Variants in ENTREP2 observed in about 807,000 individuals in gnomAD.
The protein encoded by ENTREP2 is protein ENTREP2.
chr15:29,626,127 ATG>A, the ENTREP2 span, among the ~76,000 whole-genome samples: 1 of 152,144 alleles, frequency 6.6e-6, no homozygotes. Flanking sequence ...TGGTTTCTTC[ATG>A]TTGTTGCTAG....
the ENTREP2 span, among the ~76,000 whole-genome samples, chr15:29,307,522 A>G: frequency 6.6e-6 from 1 of 152,248 alleles, no homozygotes; most frequent in African/African-American, 2.4e-5. Context: ...AGGAGAAATT[A>G]GATTTAGAGA....
the ENTREP2 span, chr15:29,265,484 C>T: frequency 6.6e-6 from 1 of 152,110 alleles, no homozygotes; most frequent in Non-Finnish European, 1.5e-5. Context: ...ACTAAAAGTA[C>T]AAAAATTAGC....
At chr15:29,259,731 C>CT in the ENTREP2 span, among the ~76,000 whole-genome samples, 1 of 151,938 alleles carries the variant, frequency 6.6e-6, no homozygotes, top group Non-Finnish European at 1.5e-5. Context: ...AATCCCAGCA[C>CT]TTCAGGAGGC....
the ENTREP2 span, among the ~76,000 whole-genome samples, chr15:29,556,496 T>G: frequency 6.6e-6 from 1 of 152,174 alleles, no homozygotes; most frequent in Admixed American, 6.5e-5. Context: ...ACAGAGAACA[T>G]TTTTAAATGT....
chr15:29,524,728 TGTCA>T, the ENTREP2 span, among the ~76,000 whole-genome samples: 3 of 152,020 alleles, frequency 2.0e-5, no homozygotes, highest in African/African-American at 7.3e-5. Context: ...TCTAGAGGGG[TGTCA>T]GTCAGTGGCA....
the ENTREP2 span, among the ~76,000 whole-genome samples, chr15:29,621,403 G>A: frequency 6.6e-6 from 1 of 150,790 alleles, no homozygotes; most frequent in Non-Finnish European, 1.5e-5. Flanking sequence ...GGCGCCTGTA[G>A]TCCCAGCTAC....
chr15:29,176,261 G>A, the ENTREP2 span, among the ~76,000 whole-genome samples: 3 of 152,268 alleles, frequency 2.0e-5, no homozygotes, highest in South Asian at 2.1e-4. Flanking sequence ...CCTGAGAGCC[G>A]TGGCACATAG....
chr15:29,268,755 A>T, the ENTREP2 span: 6 of 1,562,806 alleles, frequency 3.8e-6, no homozygotes, highest in Non-Finnish European at 4.3e-6. Context: ...TTTGGGTCTC[A>T]GACCCTTGTC....
At chr15:29,181,742 T>C in the ENTREP2 span, among the ~76,000 whole-genome samples, 1 of 152,174 alleles carries the variant, frequency 6.6e-6, no homozygotes, top group Non-Finnish European at 1.5e-5. Context: ...CATGCATATA[T>C]ACTTATCTCA....
At chr15:29,640,430 G>A in the ENTREP2 span, among the ~76,000 whole-genome samples, 4 of 152,160 alleles carry the variant, frequency 2.6e-5, no homozygotes, top group African/African-American at 9.7e-5. Flanking sequence ...GGCTGAGGTG[G>A]GTGGATGGTC....
chr15:29,126,168 T>C, the ENTREP2 span: 8 of 989,254 alleles, frequency 8.1e-6, no homozygotes, highest in South Asian at 1.5e-4. Flanking sequence ...AGACAGGATC[T>C]GCAGGGCCGG....
chr15:29,170,581 T>C, the ENTREP2 span, among the ~76,000 whole-genome samples: 1 of 141,692 alleles, frequency 7.1e-6, no homozygotes, highest in Non-Finnish European at 1.5e-5. Context: ...ACAACAAGAC[T>C]GTGTGTGTGT....
chr15:29,645,034 C>A, the ENTREP2 span, among the ~76,000 whole-genome samples: 2 of 152,080 alleles, frequency 1.3e-5, no homozygotes, highest in African/African-American at 4.8e-5. Flanking sequence ...CTGGGAAACA[C>A]GGCAAGGTGC....
At chr15:29,371,921 T>C in the ENTREP2 span, among the ~76,000 whole-genome samples, 480 of 101,652 alleles carry the variant, frequency 4.7e-3, 3 homozygotes, top group African/African-American at 0.018. Context: ...AATAGATAGA[T>C]AGATAGATAG....
the ENTREP2 span, among the ~76,000 whole-genome samples, chr15:29,478,017 ATATTTTTT>A: frequency 1.8e-5 from 1 of 56,964 alleles, no homozygotes; most frequent in African/African-American, 1.0e-4. Context: ...ATATATATAT[ATATTTTTT>A]TTTTTTTTTT....
chr15:29,360,437 A>G, the ENTREP2 span, among the ~76,000 whole-genome samples: 6 of 152,198 alleles, frequency 3.9e-5, no homozygotes, highest in African/African-American at 1.4e-4. Context: ...ACATCAGACA[A>G]TTCTTGTCAA....
At chr15:29,642,499 ACATATATAT>A in the ENTREP2 span, among the ~76,000 whole-genome samples, 4 of 147,392 alleles carry the variant, frequency 2.7e-5, no homozygotes, top group Admixed American at 6.9e-5. Flanking sequence ...ACATATATAC[ACATATATAT>A]CATATATACA....
chr15:29,429,159 C>CCATT, the ENTREP2 span, among the ~76,000 whole-genome samples: 1 of 151,158 alleles, frequency 6.6e-6, no homozygotes, highest in Non-Finnish European at 1.5e-5. Context: ...ATCTGTCCAT[C>CCATT]CATCCATCCA....
the ENTREP2 span, among the ~76,000 whole-genome samples, chr15:29,239,886 C>T: frequency 6.6e-6 from 1 of 152,174 alleles, no homozygotes; most frequent in Non-Finnish European, 1.5e-5. Flanking sequence ...TTAAAATTAT[C>T]TGTATGGGAC....
Sources: allele counts gnomAD v4.1 joint callset (sites outside exome capture counted in the v4.1 genomes callset), GRCh38; gene constraint gnomAD v4.1.1; transcripts MANE v1.5; gene names NCBI Gene and HGNC (gene_info 2026-07-23, HGNC 2026-07-21).